Variants in PPFIA1 observed in about 807,000 individuals in gnomAD.
PPFIA1 encodes the protein liprin-alpha-1.
In PPFIA1, 25 loss-of-function variants were observed where a neutral mutation model predicts 149.9. The ratio of observed to expected loss-of-function variants is 0.17; its 90% CI spans 0.12 to 0.23. PPFIA1 has a LOEUF of 0.23. Among genes scored for constraint, PPFIA1 ranks in the 10% least tolerant of loss-of-function variants. The probability of loss-of-function intolerance (pLI) is 1.00; values close to 1 mark genes in which losing one functional copy is unlikely to be tolerated. For missense variants in PPFIA1, 1,362 were observed against 1,506.5 expected (o/e 0.90, Z 1.59); for synonymous variants, 549 against 552.8 (o/e 0.99, Z 0.10).
intron 2 of PPFIA1, among the ~76,000 whole-genome samples, chr11:70,296,604 G>A (rs1192781769): frequency 3.3e-5 from 5 of 151,858 alleles, no homozygotes; most frequent in South Asian, 2.1e-4. Flanking sequence ...ATCAGGCAGG[G>A]AGGTTGCAGT....
intron 27 of PPFIA1, 67 bp downstream of exon 27, chr11:70,382,225 G>A: frequency 7.9e-7 from 1 of 1,271,870 alleles, no homozygotes; most frequent in Non-Finnish European, 1.1e-6. Flanking sequence ...CGGAGCTGCA[G>A]TGCCAGACTA....
chr11:70,372,165 T>G lies in PPFIA1; in HGVS notation c.2866-50T>G, dbSNP rs747674416. 1.3e-5 allele frequency: 19 copies of G among 1,510,084 alleles called. No homozygotes were observed. The South Asian group carries it at 2.5e-4, about 20-fold the overall frequency. 93.5% of individuals were successfully genotyped at this position (1,510,084 alleles called of 1,614,324 possible). A position where few individuals can be genotyped will look rare whatever the true frequency, so the allele number is the denominator to read the frequency against. ...AATTCATTTTAAAAATGATATAAAC[T>G]ACTTTTGAGACTTCCTCTGTAACTG... On this transcript the variant is annotated intron_variant, in intron 21 of 27. Transcript: ENST00000253925.
At chr11:70,280,366 C>T (rs2050681481) in intron 2 of PPFIA1, among the ~76,000 whole-genome samples, 1 of 151,820 alleles carries the variant, frequency 6.6e-6, no homozygotes, top group African/African-American at 2.4e-5. Flanking sequence ...GTCAGGAGTT[C>T]GAGACCAGCC....
At chr11:70,329,025 A>G (rs1341766076) in intron 7 of PPFIA1, among the ~76,000 whole-genome samples, 6 of 152,204 alleles carry the variant, frequency 3.9e-5, no homozygotes, top group Non-Finnish European at 5.9e-5. Context: ...GTTGCATCCA[A>G]TTAAATTAAA....
chr11:70,328,841 C>T (rs1054698129), intron 7 of PPFIA1, among the ~76,000 whole-genome samples: 1 of 152,130 alleles, frequency 6.6e-6, no homozygotes, highest in African/African-American at 2.4e-5. Flanking sequence ...GAGCTTTTTT[C>T]CCCTATCACT....
intron 19 of PPFIA1, 69 bp downstream of exon 19, chr11:70,356,323 T>G: frequency 8.5e-7 from 1 of 1,178,864 alleles, no homozygotes; most frequent in Non-Finnish European, 1.3e-6. Context: ...AACTAGTGTT[T>G]GTTAATTATA....
intron 2 of PPFIA1, among the ~76,000 whole-genome samples, chr11:70,291,790 C>G (rs2051540231): frequency 6.6e-6 from 1 of 152,034 alleles, no homozygotes; most frequent in South Asian, 2.1e-4. Context: ...CCCACCTCAG[C>G]CTCCCCAGTA....
chr11:70,310,510 C>G (rs1467162480), intron 2 of PPFIA1, among the ~76,000 whole-genome samples: 1 of 151,742 alleles, frequency 6.6e-6, no homozygotes, highest in African/African-American at 2.4e-5. Context: ...CTCAGCCTCC[C>G]GAGTAGCTGG....
At chr11:70,308,577 TTTG>T (rs2053037424) in intron 2 of PPFIA1, among the ~76,000 whole-genome samples, 1 of 152,220 alleles carries the variant, frequency 6.6e-6, no homozygotes, top group African/African-American at 2.4e-5. Flanking sequence ...ATGTTTGTAT[TTTG>T]TTATTTTCTA....
intron 2 of PPFIA1, among the ~76,000 whole-genome samples, chr11:70,320,475 G>A (rs76212294): frequency 0.018 from 2,442 of 138,136 alleles, 62 homozygotes; most frequent in African/African-American, 0.064. Context: ...CTCGTCACCC[G>A]GCCTGGAGTG....
At chr11:70,375,407 A>T (rs1378821717) in intron 24 of PPFIA1, 1 of 202,828 alleles carries the variant, frequency 4.9e-6, no homozygotes, top group African/African-American at 2.3e-5. Flanking sequence ...AGATTTTATT[A>T]ATTTTGTTTT....
intron 2 of PPFIA1, among the ~76,000 whole-genome samples, chr11:70,324,026 C>G (rs1461047753): frequency 6.6e-6 from 1 of 152,134 alleles, no homozygotes; most frequent in Non-Finnish European, 1.5e-5. Context: ...CATCTTTCCT[C>G]TCTCTCCAGC....
chr11:70,355,879 A>G (rs1300620079), intron 18 of PPFIA1, 68 bp downstream of exon 18: 1 of 1,542,288 alleles, frequency 6.5e-7, no homozygotes, highest in Non-Finnish European at 8.8e-7. Flanking sequence ...CTTCGGTGCC[A>G]TCAGTTCCCA....
At chr11:70,371,007 C>T (rs904135277) in intron 21 of PPFIA1, among the ~76,000 whole-genome samples, 1 of 151,988 alleles carries the variant, frequency 6.6e-6, no homozygotes, top group Non-Finnish European at 1.5e-5. Flanking sequence ...GTGGCTTGTG[C>T]TTGTAATCCC....
At position 70,280,609 on chromosome 11, in the gene PPFIA1, G is replaced by A. The variant is rs185258502; in HGVS notation, c.264+8173G>A. Among the ~76,000 whole-genome samples, 156 of 152,260 alleles carry A rather than the reference G, an allele frequency of 1.0e-3. 2 individuals carry two copies. Among genetic ancestry groups the A allele is most frequent in the African/African-American group, 3.4e-3 (140 of 41,550 alleles). ...AGACAGGCACCCTGTTGTTGCCGAG[G>A]CTGCAGTGCAGTGGCGCGCGTGATC... On this transcript the variant is annotated intron_variant, in intron 2 of 27. Transcript: ENST00000253925.
intron 9 of PPFIA1, 144 bp from the exon 10 acceptor site, chr11:70,333,326 T>G: frequency 1.4e-6 from 1 of 690,114 alleles, no homozygotes; most frequent in South Asian, 1.6e-5. Flanking sequence ...GTAGGCTGTG[T>G]TGATGGATGA....
intron 2 of PPFIA1, among the ~76,000 whole-genome samples, chr11:70,311,226 T>C (rs1353706648): frequency 1.3e-5 from 2 of 151,414 alleles, no homozygotes; most frequent in East Asian, 1.9e-4. Context: ...GGAGAATCGC[T>C]GAACCTGGAA....
Position 70,335,678 on chromosome 11 carries a change from C to T in PPFIA1, c.1412C>T (p.Ala471Val), listed in dbSNP as rs996894753. The T allele has an allele frequency of 5.6e-6, 9 of 1,613,868 alleles. No homozygotes were observed. Among genetic ancestry groups the T allele is most frequent in the East Asian group, 4.5e-5 (2 of 44,892 alleles). The change falls in exon 11 of 28, where the codon GCT becomes GTT. Residue 471 changes from alanine (A) to valine (V), a missense_variant. Ala to Val is a moderately conservative substitution (Grantham distance 64). Transcript: ENST00000253925. ...CAACTTCATCTTAAAGAGAGAATGG[C>T]TGCTTTGGAAGATAAGGTAAGTTAG... ...RLQLHLKERMAALEDKNSLLR... is the reference protein window; with the variant it reads ...RLQLHLKERMVALEDKNSLLR...
intron 19 of PPFIA1, among the ~76,000 whole-genome samples, chr11:70,360,837 A>G (rs1392120351): frequency 6.6e-6 from 1 of 152,268 alleles, no homozygotes; most frequent in African/African-American, 2.4e-5. Flanking sequence ...ATGGACTAAA[A>G]GCAGCCTAGG....
Sources: allele counts gnomAD v4.1 joint callset (sites outside exome capture counted in the v4.1 genomes callset), GRCh38; gene constraint gnomAD v4.1.1; transcripts MANE v1.5; gene names NCBI Gene and HGNC (gene_info 2026-07-23, HGNC 2026-07-21).